The following PTPRM variants were observed in gnomAD, a reference collection of about 807,000 sequenced individuals.
PTPRM encodes protein tyrosine phosphatase receptor type M.
Under a neutral mutation model 186.7 loss-of-function variants are expected in PTPRM, and 47 were observed. The ratio of observed to expected loss-of-function variants is 0.25; its 90% CI spans 0.20 to 0.32. PTPRM has a LOEUF of 0.32. Among genes scored for constraint, PTPRM ranks in the 10% least tolerant of loss-of-function variants. The pLI, the probability that PTPRM is intolerant of heterozygous loss-of-function variation, is 1.00. For synonymous variants in PTPRM, 668 were observed against 674.9 expected (o/e 0.99, Z 0.16); for missense variants, 1,494 against 1,865.0 (o/e 0.80, Z 3.66).
intron 1 of PTPRM, among the ~76,000 whole-genome samples, chr18:7,730,858 T>G (rs2040644249): frequency 1.3e-5 from 2 of 152,234 alleles, no homozygotes; most frequent in Non-Finnish European, 2.9e-5. Flanking sequence ...GGACTTATTC[T>G]GTAAGGTTTC....
At chr18:8,354,215 A>G (rs931209304) in intron 23 of PTPRM, among the ~76,000 whole-genome samples, 2 of 151,782 alleles carry the variant, frequency 1.3e-5, no homozygotes, top group Non-Finnish European at 1.5e-5. Flanking sequence ...TCCGTCTTAA[A>G]AAAAAAAAAA....
intron 14 of PTPRM, among the ~76,000 whole-genome samples, chr18:8,209,034 G>A (rs1175284176): frequency 2.0e-5 from 3 of 152,190 alleles, no homozygotes; most frequent in African/African-American, 7.2e-5. Context: ...AGCCAGTGAA[G>A]TCAGATAGGG....
chr18:8,063,115 G>T (rs1313372722), intron 7 of PTPRM, among the ~76,000 whole-genome samples: 1 of 151,452 alleles, frequency 6.6e-6, no homozygotes, highest in South Asian at 2.1e-4. Context: ...GCGAGACTCC[G>T]TGGGCGTAGG....
intron 29 of PTPRM, among the ~76,000 whole-genome samples, chr18:8,382,337 C>T (rs1256655044): frequency 6.6e-6 from 1 of 152,040 alleles, no homozygotes; most frequent in Non-Finnish European, 1.5e-5. Flanking sequence ...TGGTCAGGAG[C>T]TTGAACTGAG....
At chr18:8,246,746 A>C (rs2094480412) in intron 15 of PTPRM, among the ~76,000 whole-genome samples, 1 of 152,182 alleles carries the variant, frequency 6.6e-6, no homozygotes, top group African/African-American at 2.4e-5. Context: ...CCTGTAAATG[A>C]CAGGCAGCCT....
chr18:7,728,026 G>A (rs2040583159), intron 1 of PTPRM, among the ~76,000 whole-genome samples: 1 of 152,188 alleles, frequency 6.6e-6, no homozygotes, highest in Non-Finnish European at 1.5e-5. Flanking sequence ...TTTGGGATTC[G>A]GACCCAAATC....
At chr18:8,298,310 A>T (rs965001623) in intron 20 of PTPRM, among the ~76,000 whole-genome samples, 8 of 152,208 alleles carry the variant, frequency 5.3e-5, no homozygotes, top group Admixed American at 2.0e-4. Context: ...ACTCACAGAG[A>T]GTCTTGGAAG....
intron 11 of PTPRM, 81 bp downstream of exon 11, chr18:8,088,932 G>A (rs2090572026): frequency 9.2e-7 from 1 of 1,087,020 alleles, no homozygotes; most frequent in Admixed American, 1.9e-5. Flanking sequence ...TGTTTTCTAG[G>A]GATTTGCTGC....
At chr18:8,125,009 T>C (rs973084424) in intron 13 of PTPRM, among the ~76,000 whole-genome samples, 1 of 151,962 alleles carries the variant, frequency 6.6e-6, no homozygotes, top group African/African-American at 2.4e-5. Context: ...TTGGTGTAGG[T>C]GGGCCCTCCC....
chr18:8,068,970 G>C (rs752551077), intron 7 of PTPRM, among the ~76,000 whole-genome samples: 44 of 151,958 alleles, frequency 2.9e-4, no homozygotes, highest in African/African-American at 1.0e-3. Flanking sequence ...ATTAGCCAGA[G>C]GTGGTGACAG....
chr18:8,231,818 T>C (rs988635768), intron 14 of PTPRM, among the ~76,000 whole-genome samples: 2 of 152,144 alleles, frequency 1.3e-5, no homozygotes, highest in African/African-American at 2.4e-5. Context: ...ACCACATAAG[T>C]GAGCAGAAAA....
chr18:8,143,771 G>A lies in PTPRM; in HGVS notation c.2292G>A (p.Met764Ile), dbSNP rs1457826955. The A allele has an allele frequency of 6.2e-7, 1 of 1,614,092 alleles. No homozygotes were observed. Among genetic ancestry groups the A allele is most frequent in the Admixed American group, 1.7e-5 (1 of 60,014 alleles). ...TATTTCTTGGAGTTGTGTTGGTAATGAAGAAAAGGTGAGCTCCTAGCTGTT... is the reference window on the plus strand; with the variant it reads ...TATTTCTTGGAGTTGTGTTGGTAATAAAGAAAAGGTGAGCTCCTAGCTGTT... ...VIIFLGVVLV[M>I]KKRKLAKKRK... Residue 764 changes from methionine to isoleucine, a missense_variant, in exon 14 of 33, where the codon ATG (methionine) becomes ATA (isoleucine). This residue lies in a region of PTPRM where 1,107 missense variants were observed against 1,350.2 expected (regional missense o/e 0.82). Transcript: ENST00000580170.
intron 7 of PTPRM, chr18:8,018,160 A>T (rs2084992039): frequency 6.6e-6 from 1 of 152,214 alleles, no homozygotes; most frequent in African/African-American, 2.4e-5. Context: ...AACGGCATTT[A>T]TGGAGACTCA....
chr18:8,046,052 G>A (rs753418364), intron 7 of PTPRM, among the ~76,000 whole-genome samples: 33 of 152,080 alleles, frequency 2.2e-4, no homozygotes, highest in Non-Finnish European at 4.4e-4. Flanking sequence ...TTTCCTCCAT[G>A]CTGTTCTCAT....
chr18:7,833,388 G>C (rs2045858768), intron 2 of PTPRM, among the ~76,000 whole-genome samples: 1 of 152,020 alleles, frequency 6.6e-6, no homozygotes, highest in African/African-American at 2.4e-5. Flanking sequence ...TGTAAATGGG[G>C]TTACTTTTTT....
intron 5 of PTPRM, among the ~76,000 whole-genome samples, chr18:7,934,626 C>T (rs1019110704): frequency 6.6e-6 from 1 of 152,170 alleles, no homozygotes; most frequent in African/African-American, 2.4e-5. Flanking sequence ...GTAATTGCAG[C>T]TACATTTACT....
chr18:7,606,579 C>A (rs1177856288), intron 1 of PTPRM, among the ~76,000 whole-genome samples: 1 of 152,102 alleles, frequency 6.6e-6, no homozygotes, highest in Non-Finnish European at 1.5e-5. Flanking sequence ...GTATACCACA[C>A]TAGCCATAAG....
At chr18:7,659,140 A>G (rs751739555) in intron 1 of PTPRM, among the ~76,000 whole-genome samples, 19 of 151,790 alleles carry the variant, frequency 1.3e-4, no homozygotes, top group Non-Finnish European at 2.8e-4. Context: ...ACACACACAC[A>G]CACACACACA....
At chr18:7,587,854 G>A (rs563603477) in intron 1 of PTPRM, among the ~76,000 whole-genome samples, 3 of 151,956 alleles carry the variant, frequency 2.0e-5, no homozygotes, top group East Asian at 1.9e-4. Context: ...TCAAGCTGTC[G>A]GTAAAATCAG....
Sources: allele counts gnomAD v4.1 joint callset (sites outside exome capture counted in the v4.1 genomes callset), GRCh38; gene constraint gnomAD v4.1.1; regional missense constraint gnomAD v4.1.1; transcripts MANE v1.5; gene names NCBI Gene and HGNC (gene_info 2026-07-23, HGNC 2026-07-21).